Variants in LCOR observed in about 807,000 individuals in gnomAD.
The protein encoded by LCOR is ligand-dependent corepressor.
In LCOR, 14 loss-of-function variants were observed where a neutral mutation model predicts 64.4. The observed-to-expected ratio is 0.22, with a 90% CI of 0.14 to 0.34. The LOEUF is 0.34. LCOR is among the 10% of genes least tolerant of loss of function. LCOR has a pLI of 1.00. For synonymous variants in LCOR, 643 were observed against 642.5 expected (o/e 1.00, Z -0.01); for missense variants, 1,686 against 1,765.3 (o/e 0.96, Z 0.80).
At chr10:96,950,432 T>TTTCCACAAA (rs1847658991) in intron 6 of LCOR, among the ~76,000 whole-genome samples, 1 of 152,116 alleles carries the variant, frequency 6.6e-6, no homozygotes, top group South Asian at 2.1e-4. Context: ...ACTGTTTTCT[T>TTTCCACAAA]TTCCACAAAT....
At chr10:96,833,622 G>C (rs1460029558) in intron 2 of LCOR, 143 bp downstream of exon 2, 2 of 200,224 alleles carry the variant, frequency 1.0e-5, no homozygotes, top group Non-Finnish European at 1.8e-5. Context: ...ATGCCCTCTC[G>C]TCGTCCGCTG....
intron 4 of LCOR, among the ~76,000 whole-genome samples, chr10:96,909,716 G>T (rs1846795627): frequency 6.6e-6 from 1 of 152,132 alleles, no homozygotes; most frequent in South Asian, 2.1e-4. Flanking sequence ...TTTTCTACAT[G>T]AAAAAGTTGT....
At chr10:96,887,652 T>C (rs985535821) in intron 2 of LCOR, among the ~76,000 whole-genome samples, 10 of 151,806 alleles carry the variant, frequency 6.6e-5, no homozygotes, top group African/African-American at 2.2e-4. Context: ...AAAGCACTTA[T>C]GTGATTGAGT....
At position 96,841,258 on chromosome 10, in the gene LCOR, ACT is replaced by A. The variant is rs1415029707; in HGVS notation, c.-330+7782_-330+7783del. ...GTGCAGTAATCTAGATGAATAATTA[ACT>A]CTTTAAAATAACAGAAAGCAGAAAG... is the stretch of plus-strand genomic sequence containing the variant. On this transcript the variant is annotated intron_variant, in intron 2 of 7. Transcript: ENST00000421806. Among the ~76,000 whole-genome samples, 17 of 152,202 alleles carry A rather than the reference ACT, an allele frequency of 1.1e-4. No homozygotes were observed. The South Asian group carries it at 3.3e-3, about 30-fold the overall frequency.
chr10:96,853,604 C>T (rs1240092883), intron 2 of LCOR, among the ~76,000 whole-genome samples: 4 of 152,118 alleles, frequency 2.6e-5, no homozygotes, highest in Non-Finnish European at 4.4e-5. Context: ...GGACTTGCTC[C>T]ATGTCTGGGG....
chr10:96,932,880 A>C (rs1422507935), intron 4 of LCOR, among the ~76,000 whole-genome samples: 2 of 152,214 alleles, frequency 1.3e-5, no homozygotes, highest in Non-Finnish European at 2.9e-5. Flanking sequence ...AAGTTTGTGA[A>C]TATGTTTCAA....
intron 4 of LCOR, among the ~76,000 whole-genome samples, chr10:96,913,853 G>A (rs1477907612): frequency 6.6e-6 from 1 of 152,032 alleles, no homozygotes; most frequent in Non-Finnish European, 1.5e-5. Flanking sequence ...AGGAGCTGGA[G>A]GTTGCAGTGA....
intron 2 of LCOR, among the ~76,000 whole-genome samples, chr10:96,877,920 A>G (rs1005248338): frequency 6.6e-6 from 1 of 152,186 alleles, no homozygotes; most frequent in African/African-American, 2.4e-5. Context: ...CTGAAAATTT[A>G]TAATAGGAGA....
Position 96,888,133 on chromosome 10 carries a change from G to A in LCOR, c.-329-19132G>A, listed in dbSNP as rs191270802. 3.6e-4 allele frequency among the ~76,000 whole-genome samples: 55 copies of A among 151,562 alleles called. No homozygotes were observed. The East Asian group carries it at 9.4e-3, about 26-fold the overall frequency. On this transcript the variant is annotated intron_variant, in intron 2 of 7. Coordinates refer to ENST00000421806, the MANE Select transcript of LCOR (RefSeq NM_001346516.2). ...TGTAATCCCAGCACTTTGGGAGGCC[G>A]AGGTTGGCGGATCATGAGGTTAGGA...
chr10:96,837,534 C>A (rs542656665), intron 2 of LCOR, among the ~76,000 whole-genome samples: 41 of 152,304 alleles, frequency 2.7e-4, no homozygotes, highest in African/African-American at 9.9e-4. Context: ...GGATTACAGG[C>A]GTGAGCCACC....
rs1003809831 is a variant in LCOR at position 96,870,048 on chromosome 10, G to T, written c.-330+36569G>T. Among the ~76,000 whole-genome samples the T allele has an allele frequency of 5.3e-5, 8 of 150,810 alleles. No individual in the cohort carries two copies. The East Asian group carries it at 1.4e-3, about 26-fold the overall frequency. On this transcript the variant is annotated intron_variant, in intron 2 of 7. Coordinates refer to ENST00000421806, the MANE Select transcript of LCOR (RefSeq NM_001346516.2). ...TCTAACCATAAGTTCTTTGTTTGTTGTTGTTGTTGTTGTTGTTGTTTTTTG... is the reference window on the plus strand; with the variant it reads ...TCTAACCATAAGTTCTTTGTTTGTTTTTGTTGTTGTTGTTGTTGTTTTTTG...
chr10:96,972,741 A>G (rs1848009117), intron 7 of LCOR, among the ~76,000 whole-genome samples: 1 of 152,252 alleles, frequency 6.6e-6, no homozygotes, highest in Admixed American at 6.5e-5. Flanking sequence ...AAGCCTTAAG[A>G]TGCAGAAAGG....
intron 7 of LCOR, among the ~76,000 whole-genome samples, chr10:96,972,093 G>T (rs929943719): frequency 2.6e-5 from 4 of 151,838 alleles, no homozygotes; most frequent in African/African-American, 7.3e-5. Context: ...CCCCAGAGAG[G>T]ATGATAAATA....
intron 2 of LCOR, among the ~76,000 whole-genome samples, chr10:96,870,284 T>G (rs1263370474): frequency 6.6e-6 from 1 of 152,204 alleles, no homozygotes; most frequent in Non-Finnish European, 1.5e-5. Flanking sequence ...GTGCTGGGAT[T>G]ACAGGCGTGA....
At chr10:96,954,158 G>A (rs1202413789) in intron 7 of LCOR, among the ~76,000 whole-genome samples, 1 of 152,130 alleles carries the variant, frequency 6.6e-6, no homozygotes, top group East Asian at 1.9e-4. Context: ...TAGAACTTAA[G>A]GGGTAAATAA....
intron 2 of LCOR, among the ~76,000 whole-genome samples, chr10:96,860,658 C>A (rs1845873732): frequency 6.6e-6 from 1 of 152,076 alleles, no homozygotes; most frequent in Non-Finnish European, 1.5e-5. Flanking sequence ...TTGGGTAAGT[C>A]CATCGTTTTG....
chr10:96,918,637 C>A (rs1589654964), intron 4 of LCOR, among the ~76,000 whole-genome samples: 1 of 152,082 alleles, frequency 6.6e-6, no homozygotes, highest in East Asian at 1.9e-4. Context: ...TTGGAAAAGG[C>A]AAGATTGTAA....
intron 5 of LCOR, among the ~76,000 whole-genome samples, chr10:96,946,140 A>G (rs1408467807): frequency 1.3e-5 from 2 of 151,934 alleles, no homozygotes; most frequent in African/African-American, 2.4e-5. Flanking sequence ...TAATATTGCT[A>G]TGTTTAGATA....
At chr10:96,941,348 C>T (rs1287230593) in intron 4 of LCOR, among the ~76,000 whole-genome samples, 15 of 141,384 alleles carry the variant, frequency 1.1e-4, no homozygotes, top group Admixed American at 1.4e-4. Context: ...CCTCACTTCC[C>T]AGTAGGGGCG....
Sources: allele counts gnomAD v4.1 joint callset (sites outside exome capture counted in the v4.1 genomes callset), GRCh38; gene constraint gnomAD v4.1.1; transcripts MANE v1.5; gene names NCBI Gene and HGNC (gene_info 2026-07-23, HGNC 2026-07-21).